ATP9B: variants seen among roughly 807,000 people sequenced by gnomAD.
ATP9B encodes probable phospholipid-transporting ATPase IIB.
ATP9B carries 110 observed loss-of-function variants against 146.1 expected under a neutral mutation model. The ratio of observed to expected loss-of-function variants is 0.75; its 90% CI spans 0.65 to 0.88. The LOEUF (loss-of-function observed/expected upper bound fraction) is 0.88. Ranked by LOEUF, ATP9B falls within the 40% of genes least tolerant of loss-of-function variation. The pLI is 0.00. For missense variants in ATP9B, 1,499 were observed against 1,496.4 expected (o/e 1.00, Z -0.03); for synonymous variants, 604 against 569.7 (o/e 1.06, Z -0.86).
intron 2 of ATP9B, among the ~76,000 whole-genome samples, chr18:79,101,540 A>T (rs2075282328): frequency 6.6e-6 from 1 of 152,186 alleles, no homozygotes; most frequent in African/African-American, 2.4e-5. Context: ...ATTTCTCTGG[A>T]ATAAATGTCC....
At chr18:79,078,398 A>C in intron 1 of ATP9B, among the ~76,000 whole-genome samples, 1 of 152,166 alleles carries the variant, frequency 6.6e-6, no homozygotes. Flanking sequence ...TCTGGGTCCA[A>C]GGACCTTACT....
At chr18:79,091,394 T>G (rs1314212066) in intron 1 of ATP9B, among the ~76,000 whole-genome samples, 1 of 152,200 alleles carries the variant, frequency 6.6e-6, no homozygotes, top group Non-Finnish European at 1.5e-5. Context: ...TTTAACAATA[T>G]TGATTTTTCC....
chr18:79,144,014 A>G (rs1476356931), intron 6 of ATP9B, 154 bp downstream of exon 6: 1 of 479,416 alleles, frequency 2.1e-6, no homozygotes, highest in African/African-American at 2.0e-5. Flanking sequence ...AGAAAAATCT[A>G]GATTTTTGTA....
At chr18:79,109,854 C>G (rs1192113176) in intron 2 of ATP9B, among the ~76,000 whole-genome samples, 1 of 152,138 alleles carries the variant, frequency 6.6e-6, no homozygotes, top group Non-Finnish European at 1.5e-5. Context: ...ATGTGAGCCA[C>G]CACGCCTGGC....
At chr18:79,359,251 T>C (rs1226332012) in intron 25 of ATP9B, 103 bp from the exon 26 acceptor site, 8 of 799,154 alleles carry the variant, frequency 1.0e-5, no homozygotes, top group African/African-American at 6.9e-5. Flanking sequence ...TTGTGGAGTA[T>C]TTTTTGGTGT....
intron 11 of ATP9B, among the ~76,000 whole-genome samples, chr18:79,236,967 A>G (rs1599157576): frequency 1.2e-5 from 1 of 86,956 alleles, no homozygotes; most frequent in African/African-American, 5.6e-5. Context: ...CTGTGTACAC[A>G]GTCCGTGCAT....
chr18:79,260,417 G>A (rs905206434), intron 12 of ATP9B, among the ~76,000 whole-genome samples: 7 of 152,136 alleles, frequency 4.6e-5, no homozygotes, highest in African/African-American at 1.7e-4. Flanking sequence ...AGTACAATTC[G>A]AGATGAGATT....
chr18:79,143,259 G>A (rs184028026), intron 5 of ATP9B, among the ~76,000 whole-genome samples: 155 of 152,228 alleles, frequency 1.0e-3, no homozygotes, highest in Non-Finnish European at 1.1e-3. Flanking sequence ...TAGATGTTTC[G>A]TAGATAAGAA....
At chr18:79,224,058 T>C (rs2095706192) in intron 11 of ATP9B, among the ~76,000 whole-genome samples, 1 of 152,236 alleles carries the variant, frequency 6.6e-6, no homozygotes. Context: ...GGCTTACTAA[T>C]TATTTGTTGC....
At chr18:79,251,234 TG>T (rs2096019977) in intron 11 of ATP9B, among the ~76,000 whole-genome samples, 1 of 152,192 alleles carries the variant, frequency 6.6e-6, no homozygotes, top group Admixed American at 6.5e-5. Context: ...CCCCGCTGAA[TG>T]CGGCATCCCG....
At chr18:79,140,191 G>A (rs980762595) in intron 5 of ATP9B, among the ~76,000 whole-genome samples, 1 of 152,128 alleles carries the variant, frequency 6.6e-6, no homozygotes, top group African/African-American at 2.4e-5. Flanking sequence ...CGAGGTTCCC[G>A]GTGAGGTAGA....
chr18:79,079,496 C>T (rs942320626), intron 1 of ATP9B, among the ~76,000 whole-genome samples: 3 of 152,006 alleles, frequency 2.0e-5, no homozygotes, highest in Admixed American at 6.6e-5. Context: ...TGATGGGATT[C>T]GTTTGTTTTT....
At chr18:79,250,107 A>G (rs1450004715) in intron 11 of ATP9B, among the ~76,000 whole-genome samples, 3 of 152,264 alleles carry the variant, frequency 2.0e-5, no homozygotes, top group African/African-American at 7.2e-5. Flanking sequence ...TCAATGAGAA[A>G]GGTAATAATG....
In ATP9B at chr18:79,259,485, G is replaced by C. The variant is rs114280003; in HGVS notation, c.1268+5944G>C. 6.4e-3 allele frequency among the ~76,000 whole-genome samples: 979 copies of C among 152,260 alleles called. 4 individuals carry two copies. Among genetic ancestry groups the C allele is most frequent in the African/African-American group, 0.022 (914 of 41,578 alleles). ...GAATGTTGTTTGACAAAGTGATAAA[G>C]GTGTTCCTTCTGAGAACACTGAAGA... On this transcript the variant is annotated intron_variant, in intron 12 of 29. Coordinates refer to ENST00000426216, the MANE Select transcript of ATP9B (RefSeq NM_198531.5).
chr18:79,187,823 A>G (rs915314171), intron 8 of ATP9B, among the ~76,000 whole-genome samples: 1 of 152,238 alleles, frequency 6.6e-6, no homozygotes, highest in African/African-American at 2.4e-5. Flanking sequence ...AATGACTCAC[A>G]TAGATTAAAA....
chr18:79,107,617 C>T (rs2075740816), intron 2 of ATP9B, among the ~76,000 whole-genome samples: 1 of 152,140 alleles, frequency 6.6e-6, no homozygotes, highest in Non-Finnish European at 1.5e-5. Flanking sequence ...CAAGGAGCTT[C>T]CATAGGGTCA....
At chr18:79,194,103 A>G (rs1440780345) in intron 9 of ATP9B, among the ~76,000 whole-genome samples, 1 of 152,174 alleles carries the variant, frequency 6.6e-6, no homozygotes. Flanking sequence ...TAAGATGTTC[A>G]TGGAGGGACA....
chr18:79,070,222 T>G (rs1453973981), intron 1 of ATP9B, among the ~76,000 whole-genome samples: 1 of 152,252 alleles, frequency 6.6e-6, no homozygotes, highest in Non-Finnish European at 1.5e-5. Flanking sequence ...TTGCTTCTTA[T>G]AGTTTTTGAA....
intron 17 of ATP9B, 119 bp downstream of exon 17, chr18:79,330,223 A>T: frequency 2.2e-6 from 2 of 926,194 alleles, no homozygotes; most frequent in Admixed American, 4.1e-5. Flanking sequence ...CAGGAAAAGG[A>T]TATCCTTTCC....
Sources: allele counts gnomAD v4.1 joint callset (sites outside exome capture counted in the v4.1 genomes callset), GRCh38; gene constraint gnomAD v4.1.1; transcripts MANE v1.5; gene names NCBI Gene and HGNC (gene_info 2026-07-23, HGNC 2026-07-21).